HEATR5A: variants seen among roughly 807,000 people sequenced by gnomAD.
The protein encoded by HEATR5A is HEAT repeat containing 5A.
Under a neutral mutation model 218.8 loss-of-function variants are expected in HEATR5A, and 178 were observed. The ratio of observed to expected loss-of-function variants is 0.81; its 90% confidence interval spans 0.72 to 0.92. The LOEUF (loss-of-function observed/expected upper bound fraction) is 0.92. HEATR5A is among the 40% of genes least tolerant of loss of function. The probability of loss-of-function intolerance (pLI) is 0.00; values close to 1 mark genes in which losing one functional copy is unlikely to be tolerated. For synonymous variants in HEATR5A, 864 were observed against 871.6 expected, an observed-to-expected ratio of 0.99 and a Z score of 0.15; for missense variants, 2,420 against 2,418.9, an observed-to-expected ratio of 1.00 and a Z score of -0.01.
At chr14:31,386,703 GCAA>G in intron 8 of HEATR5A, 128 bp from the exon 9 acceptor site, 1 of 747,374 alleles carries the variant, frequency 1.3e-6, no homozygotes, top group Non-Finnish European at 2.1e-6. Context: ...AATACTTGAG[GCAA>G]TAACTAAAAT....
intron 35 of HEATR5A, 22 bp downstream of exon 35, chr14:31,293,869 T>G (rs1448871897): frequency 6.4e-7 from 1 of 1,554,680 alleles, no homozygotes. Flanking sequence ...AGACTGAGTA[T>G]GAATTTAGTG....
intron 18 of HEATR5A, among the ~76,000 whole-genome samples, chr14:31,348,727 T>G (rs1901104275): frequency 6.6e-6 from 1 of 152,172 alleles, no homozygotes; most frequent in Non-Finnish European, 1.5e-5. Flanking sequence ...AGTTCCTGTC[T>G]ATAGATGAGG....
At position 31,321,567 on chromosome 14, in the gene HEATR5A, G is replaced by C; in HGVS notation, c.3901C>G (p.Arg1301Gly). 4 of 1,606,894 alleles carry C rather than the reference G, an allele frequency of 2.5e-6. No individual in the cohort carries two copies. Among genetic ancestry groups the C allele is most frequent in the Non-Finnish European group, 3.4e-6 (4 of 1,176,750 alleles). The change falls in exon 25 of 36, where the codon CGG becomes GGG. Residue 1301 changes from arginine (R) to glycine (G), a missense_variant. Arg to Gly is a moderately radical substitution (Grantham distance 125). Transcript: ENST00000543095. The part of the protein sequence containing the change: ...SGLEMLLVVI[R>G]RFATVPEPEF... ...GGTTCTGGAACAGTTGCAAATCGCCGAATAACAACTAACAGCATTTCAAGG... is the reference window on the plus strand; with the variant it reads ...GGTTCTGGAACAGTTGCAAATCGCCCAATAACAACTAACAGCATTTCAAGG...
At chr14:31,419,706 A>G (rs1485796270) in intron 1 of HEATR5A, among the ~76,000 whole-genome samples, 2 of 152,242 alleles carry the variant, frequency 1.3e-5, no homozygotes, top group Non-Finnish European at 2.9e-5. Flanking sequence ...AATTATCCCA[A>G]CTTGCCAGAG....
chr14:31,409,489 G>A (rs1000272595), intron 1 of HEATR5A, among the ~76,000 whole-genome samples: 3 of 152,042 alleles, frequency 2.0e-5, no homozygotes, highest in Non-Finnish European at 4.4e-5. Flanking sequence ...CACTTGAGCC[G>A]AGGAGTTCAT....
chr14:31,359,030 A>G lies in HEATR5A; in HGVS notation c.2099T>C (p.Leu700Pro). Reference protein sequence around the residue: ...EGNLCAILRELAADLTAPDIQ... With the variant: ...EGNLCAILREPAADLTAPDIQ... Reference sequence around the variant, plus strand: ...ATCAGGGGCAGTCAAGTCAGCAGCCAGCTCTCTGAGGATAGCACAGAGGTT... The same window carrying G: ...ATCAGGGGCAGTCAAGTCAGCAGCCGGCTCTCTGAGGATAGCACAGAGGTT... Residue 700 changes from leucine (L) to proline (P), a missense_variant, in exon 15 of 36, where the codon CTG becomes CCG. Physicochemically the swap from Leu to Pro is moderately conservative, Grantham distance 98 (BLOSUM62 -3). Transcript: ENST00000543095. 1.3e-6 allele frequency: 2 copies of G among 1,590,318 alleles called. No individual in the cohort carries two copies. The highest frequency in any genetic ancestry group is 2.3e-5 in the South Asian group (2 of 85,784).
intron 1 of HEATR5A, among the ~76,000 whole-genome samples, chr14:31,404,591 C>T (rs1193801450): frequency 6.6e-6 from 1 of 152,108 alleles, no homozygotes; most frequent in African/African-American, 2.4e-5. Context: ...AACATTTAAA[C>T]ATAAGAAGAT....
At chr14:31,403,347 A>C (rs1157101461) in intron 1 of HEATR5A, among the ~76,000 whole-genome samples, 1 of 152,222 alleles carries the variant, frequency 6.6e-6, no homozygotes, top group Non-Finnish European at 1.5e-5. Flanking sequence ...TAGGCTGTTT[A>C]TTCTGTGTTG....
chr14:31,367,393 T>A (rs949419577), intron 13 of HEATR5A, among the ~76,000 whole-genome samples: 35 of 151,866 alleles, frequency 2.3e-4, no homozygotes, highest in African/African-American at 8.5e-4. Flanking sequence ...AAATAAAATT[T>A]ATCTTATTTA....
chr14:31,387,481 T>C, intron 7 of HEATR5A, 106 bp from the exon 8 acceptor site: 2 of 869,432 alleles, frequency 2.3e-6, no homozygotes, highest in South Asian at 1.9e-5. Context: ...TCCTTATAAA[T>C]TGTATTCTTT....
intron 22 of HEATR5A, among the ~76,000 whole-genome samples, chr14:31,336,474 G>A (rs1006692850): frequency 6.6e-6 from 1 of 151,616 alleles, no homozygotes; most frequent in Non-Finnish European, 1.5e-5. Context: ...ACAGGTGTGA[G>A]CCACCATACC....
intron 6 of HEATR5A, among the ~76,000 whole-genome samples, chr14:31,393,828 T>C (rs938981987): frequency 2.6e-5 from 4 of 152,124 alleles, no homozygotes; most frequent in Admixed American, 2.6e-4. Flanking sequence ...TTTGTATTTT[T>C]AGTATAGACG....
At chr14:31,408,020 A>C (rs1172957665) in intron 1 of HEATR5A, among the ~76,000 whole-genome samples, 2 of 152,204 alleles carry the variant, frequency 1.3e-5, no homozygotes, top group Non-Finnish European at 2.9e-5. Flanking sequence ...CCAATAACTG[A>C]ACTAAGTTAT....
chr14:31,306,739 A>G lies in HEATR5A; in HGVS notation c.4959T>C (p.Ser1653=). The stretch of plus-strand genomic sequence containing the variant: ...TTAAAGGTTAACATTTACCTTCTGC[A>G]CTTCGTCTTTTTTCCTTCACATGTT... The part of the protein sequence containing the change: ...AQEHVKEKRR[S]AEVDDGAAEK... Residue 1653 remains serine (S), a synonymous_variant, in exon 31 of 36, where the codon AGT becomes AGC. Transcript: ENST00000543095. 6 of 1,609,424 alleles carry G rather than the reference A, an allele frequency of 3.7e-6. No individual in the cohort carries two copies. The highest frequency in any genetic ancestry group is 5.1e-6 in the Non-Finnish European group (6 of 1,177,344).
chr14:31,294,915 G>A (rs1460480875), intron 34 of HEATR5A, among the ~76,000 whole-genome samples: 1 of 152,130 alleles, frequency 6.6e-6, no homozygotes, highest in Non-Finnish European at 1.5e-5. Flanking sequence ...TCAGAGTCCC[G>A]ACTTGGAGAC....
rs779458540 is a variant in HEATR5A, at chr14:31,364,240, T to C, written c.2020A>G (p.Arg674Gly). The C allele has an allele frequency of 1.9e-6, 3 of 1,556,610 alleles. No individual in the cohort carries two copies. The highest frequency in any genetic ancestry group is 4.7e-5 in the East Asian group (2 of 42,760). ...SPLKTPSVVYRQRLYELLILL... is the reference protein window; with the variant it reads ...SPLKTPSVVYGQRLYELLILL... Reference sequence around the variant, plus strand: ...ATCAACAGTTCATAAAGTCTTTGTCTATAAACCACTGACGGTGTTTTCAAA... The same window carrying C: ...ATCAACAGTTCATAAAGTCTTTGTCCATAAACCACTGACGGTGTTTTCAAA... The change falls in exon 14 of 36, where the codon AGA (arginine) becomes GGA (glycine). Residue 674 changes from arginine to glycine, a missense_variant. Coordinates refer to ENST00000543095, the MANE Select transcript of HEATR5A (RefSeq NM_015473.4).
chr14:31,383,492 T>C, intron 10 of HEATR5A, 29 bp downstream of exon 10: 2 of 1,579,358 alleles, frequency 1.3e-6, no homozygotes, highest in South Asian at 2.3e-5. Flanking sequence ...AAGCACCTCA[T>C]TATCATACAT....
chr14:31,361,941 A>AATAAATTT (rs765885148), intron 14 of HEATR5A, among the ~76,000 whole-genome samples: 2 of 149,440 alleles, frequency 1.3e-5, no homozygotes, highest in African/African-American at 4.9e-5. Context: ...TAAAATCAGA[A>AATAAATTT]ATTTATTTAT....
intron 19 of HEATR5A, among the ~76,000 whole-genome samples, chr14:31,346,852 G>A (rs918651145): frequency 6.6e-6 from 1 of 152,074 alleles, no homozygotes. Context: ...CGACAGAAGG[G>A]GAGTAAAAGA....
Sources: allele counts gnomAD v4.1 joint callset (sites outside exome capture counted in the v4.1 genomes callset), GRCh38; gene constraint gnomAD v4.1.1; transcripts MANE v1.5; gene names NCBI Gene and HGNC (gene_info 2026-07-23, HGNC 2026-07-21).